The following FHIT variants were observed in gnomAD, a reference collection of about 807,000 sequenced individuals.
The protein encoded by FHIT is fragile histidine triad diadenosine triphosphatase, also known as bis(5'-adenosyl)-triphosphatase.
A neutral mutation model predicts 17.9 loss-of-function variants in FHIT; 19 were observed. The observed-to-expected ratio is 1.06, with a 90% CI of 0.74 to 1.56. FHIT has a LOEUF of 1.56. FHIT is among the 40% of genes most tolerant of loss of function. The pLI is 0.00. For missense variants in FHIT, 248 were observed against 189.2 expected (o/e 1.31, Z -1.82); for synonymous variants, 81 against 69.7 (o/e 1.16, Z -0.81).
At chr3:60,946,439 C>T (rs1358600285) in intron 3 of FHIT, among the ~76,000 whole-genome samples, 2 of 152,102 alleles carry the variant, frequency 1.3e-5, no homozygotes, top group Non-Finnish European at 2.9e-5. Context: ...TTTGCAATTA[C>T]TCCCTAGGAG....
At chr3:60,928,528 G>A (rs1422436087) in intron 3 of FHIT, among the ~76,000 whole-genome samples, 10 of 139,246 alleles carry the variant, frequency 7.2e-5, no homozygotes, top group African/African-American at 2.7e-4. Context: ...CAGCCTAGGT[G>A]ACAGATGGAG....
At chr3:60,011,309 G>T (rs1700128447) in intron 7 of FHIT, 62 bp downstream of exon 7, 6 of 1,511,578 alleles carry the variant, frequency 4.0e-6, no homozygotes, top group Non-Finnish European at 5.5e-6. Context: ...GACTCGTTGT[G>T]ATTTTTTATT....
At chr3:60,837,777 A>C (rs2106846727) in intron 3 of FHIT, among the ~76,000 whole-genome samples, 1 of 152,264 alleles carries the variant, frequency 6.6e-6, no homozygotes, top group Non-Finnish European at 1.5e-5. Context: ...ATTTCTGTAT[A>C]TAATTTTTTA....
At chr3:60,056,973 T>C (rs1702108189) in intron 5 of FHIT, among the ~76,000 whole-genome samples, 1 of 152,134 alleles carries the variant, frequency 6.6e-6, no homozygotes, top group African/African-American at 2.4e-5. Context: ...CATCCCTGCC[T>C]GAAAGTTCTC....
In FHIT at chr3:61,151,587, T is replaced by TTTC. The variant is rs1457246412; in HGVS notation, c.-164+49029_-164+49030insGAA. Among the ~76,000 whole-genome samples, 22 of 151,042 alleles carry TTTC rather than the reference T, an allele frequency of 1.5e-4. No individual in the cohort carries two copies. The East Asian group carries it at 2.3e-3, about 16-fold the overall frequency. ...ATTCTTTTCTTTTCTTTTTTTTTTTTTTTTGAGATGGAGTCTCACTCTGCC... is the reference window on the plus strand; with the variant it reads ...ATTCTTTTCTTTTCTTTTTTTTTTTTTTCTTTTGAGATGGAGTCTCACTCTGCC... On this transcript the variant is annotated intron_variant, in intron 2 of 9. Coordinates refer to ENST00000492590, the MANE Select transcript of FHIT (RefSeq NM_002012.4).
At chr3:60,375,220 G>A (rs557978071) in intron 5 of FHIT, among the ~76,000 whole-genome samples, 25 of 152,018 alleles carry the variant, frequency 1.6e-4, no homozygotes, top group African/African-American at 6.0e-4. Context: ...ACATCTTAAT[G>A]TAACATCCTT....
At chr3:60,994,084 G>A (rs4132221) in intron 3 of FHIT, among the ~76,000 whole-genome samples, 10,878 of 152,118 alleles carry the variant, frequency 0.072, 845 homozygotes, top group African/African-American at 0.2. Flanking sequence ...TGTACATGCC[G>A]AAATGATAAT....
intron 7 of FHIT, among the ~76,000 whole-genome samples, chr3:59,948,762 A>G (rs893050901): frequency 2.6e-5 from 4 of 151,774 alleles, no homozygotes; most frequent in African/African-American, 9.7e-5. Flanking sequence ...GCCACCCTTT[A>G]TTATCTTCAA....
chr3:59,819,115 TAA>T (rs1408796995), intron 8 of FHIT, among the ~76,000 whole-genome samples: 1 of 152,254 alleles, frequency 6.6e-6, no homozygotes, highest in Non-Finnish European at 1.5e-5. Context: ...TCTTATAGTT[TAA>T]ACATAGATCT....
chr3:59,869,591 C>A (rs2106894583), intron 8 of FHIT, among the ~76,000 whole-genome samples: 1 of 148,478 alleles, frequency 6.7e-6, no homozygotes, highest in African/African-American at 2.5e-5. Flanking sequence ...ACGCCATTCT[C>A]CTGCCTCAGC....
At chr3:60,356,575 G>A (rs966550044) in intron 5 of FHIT, among the ~76,000 whole-genome samples, 9 of 151,800 alleles carry the variant, frequency 5.9e-5, no homozygotes, top group African/African-American at 1.9e-4. Context: ...TGAGAACACC[G>A]TGAAATATAA....
At chr3:60,539,751 T>C (rs2036118466) in intron 4 of FHIT, among the ~76,000 whole-genome samples, 1 of 151,834 alleles carries the variant, frequency 6.6e-6, no homozygotes, top group South Asian at 2.1e-4. Context: ...TGAGAACACT[T>C]GGACACAGGA....
At chr3:59,989,246 G>C (rs1709121196) in intron 7 of FHIT, among the ~76,000 whole-genome samples, 1 of 152,018 alleles carries the variant, frequency 6.6e-6, no homozygotes, top group Admixed American at 6.6e-5. Flanking sequence ...CTGAGCTCTT[G>C]AGTTCCTGGA....
intron 3 of FHIT, among the ~76,000 whole-genome samples, chr3:60,870,791 C>T (rs1189594559): frequency 3.3e-5 from 5 of 152,022 alleles, no homozygotes; most frequent in Non-Finnish European, 7.4e-5. Context: ...TCTAGGTTAC[C>T]GCGTCTCACA....
chr3:59,962,013 A>G (rs542451089), intron 7 of FHIT, among the ~76,000 whole-genome samples: 1 of 152,310 alleles, frequency 6.6e-6, no homozygotes, highest in Non-Finnish European at 1.5e-5. Context: ...GCAGCCTCTC[A>G]AGGAATCCTC....
intron 5 of FHIT, among the ~76,000 whole-genome samples, chr3:60,174,734 T>C (rs1701588878): frequency 6.6e-6 from 1 of 152,154 alleles, no homozygotes; most frequent in Non-Finnish European, 1.5e-5. Context: ...CAATTCATAA[T>C]ATTGCACAAT....
intron 4 of FHIT, among the ~76,000 whole-genome samples, chr3:60,568,318 G>A (rs2037216162): frequency 6.6e-6 from 1 of 152,124 alleles, no homozygotes; most frequent in African/African-American, 2.4e-5. Context: ...GGACATGGAT[G>A]AAGCTGGAAA....
intron 5 of FHIT, among the ~76,000 whole-genome samples, chr3:60,171,656 T>A (rs1701419474): frequency 6.6e-6 from 1 of 152,210 alleles, no homozygotes; most frequent in African/African-American, 2.4e-5. Flanking sequence ...AATTTTAAAT[T>A]AACTTTCCTT....
intron 5 of FHIT, among the ~76,000 whole-genome samples, chr3:60,321,336 C>T (rs1315595689): frequency 2.6e-5 from 4 of 151,936 alleles, no homozygotes; most frequent in African/African-American, 7.3e-5. Context: ...AATAGCCAGG[C>T]GTGGTGGCAT....
Sources: gnomAD v4.1 joint callset for allele counts (sites outside exome capture counted in the v4.1 genomes callset) on GRCh38, gnomAD v4.1.1 for gene constraint, MANE v1.5 for transcripts, NCBI Gene and HGNC (gene_info 2026-07-23, HGNC 2026-07-21) for gene names.